The following DNAH7 variants were observed in gnomAD, a reference collection of about 807,000 sequenced individuals.
DNAH7 encodes axonemal beta dynein heavy chain 7.
DNAH7 carries 397 observed loss-of-function variants against 444.6 expected under a neutral mutation model. The ratio of observed to expected loss-of-function variants is 0.89; its 90% confidence interval spans 0.82 to 0.97. The LOEUF (loss-of-function observed/expected upper bound fraction) is 0.97, where lower values mean the gene tolerates loss of function less well. DNAH7 is among the 50% of genes least tolerant of loss of function. The pLI is 0.00. For synonymous variants in DNAH7, 1,636 were observed against 1,624.4 expected, an observed-to-expected ratio of 1.01 and a Z score of -0.17; for missense variants, 4,902 against 4,800.8, an observed-to-expected ratio of 1.02 and a Z score of -0.62.
chr2:195,743,896 A>C (rs538580551), intron 63 of DNAH7, among the ~76,000 whole-genome samples: 1 of 152,384 alleles, frequency 6.6e-6, no homozygotes, highest in African/African-American at 2.4e-5. Context: ...AGATGGCCAA[A>C]TAGGAACAGC....
At chr2:195,947,967 C>T (rs1485447099) in intron 19 of DNAH7, among the ~76,000 whole-genome samples, 1 of 152,132 alleles carries the variant, frequency 6.6e-6, no homozygotes, top group African/African-American at 2.4e-5. Context: ...TGTTTCCTGA[C>T]TTTTTAGTGA....
chr2:195,929,681 T>A (rs985009270), intron 21 of DNAH7, among the ~76,000 whole-genome samples: 1 of 152,224 alleles, frequency 6.6e-6, no homozygotes, highest in African/African-American at 2.4e-5. Flanking sequence ...TGAAGAAGAA[T>A]GAAACTTTAC....
At chr2:195,771,161 T>C (rs898756377) in intron 61 of DNAH7, among the ~76,000 whole-genome samples, 4 of 151,488 alleles carry the variant, frequency 2.6e-5, no homozygotes, top group Non-Finnish European at 2.9e-5. Context: ...TCTAAAAAAA[T>C]AAAAATAAAA....
chr2:195,799,775 T>C (rs1027695981), intron 54 of DNAH7, among the ~76,000 whole-genome samples: 1 of 152,198 alleles, frequency 6.6e-6, no homozygotes, highest in Non-Finnish European at 1.5e-5. Flanking sequence ...ACTCTTAAGT[T>C]ATAAAACACT....
chr2:195,897,779 A>G lies in DNAH7; in HGVS notation c.4549-14T>C. 1 of 1,519,708 alleles carries G rather than the reference A, an allele frequency of 6.6e-7. No homozygotes were observed. Among genetic ancestry groups the G allele is most frequent in the Non-Finnish European group, 9.0e-7 (1 of 1,112,620 alleles). The allele number at this position is 1,519,708 out of a possible 1,614,324, so 94.1% of individuals were successfully genotyped here. A position where few individuals can be genotyped will look rare whatever the true frequency, so the allele number is the denominator to read the frequency against. On this transcript the variant is annotated splice_polypyrimidine_tract_variant and intron_variant, in intron 28 of 64. Coordinates refer to ENST00000312428, the MANE Select transcript of DNAH7 (RefSeq NM_018897.3). ...TGGATATTTCAGCTAAAAAAAAAAA[A>G]AAAAACTCATGAGGATATCTGCATC... is the stretch of plus-strand genomic sequence containing the variant.
chr2:196,019,289 T>C lies in DNAH7; in HGVS notation c.750A>G (p.Glu250=). Reference sequence around the variant, plus strand: ...ATTTCCTCCAAGGTTTTGGCAGAATTTCCATTCTGAAAACAAAGAAAATAT... The same window carrying C: ...ATTTCCTCCAAGGTTTTGGCAGAATCTCCATTCTGAAAACAAAGAAAATAT... The part of the protein sequence containing the change: ...DELPAHRAEM[E]ILPKPWRKSF... The change falls in exon 9 of 65, where the codon GAA becomes GAG. Residue 250 remains glutamate, a synonymous_variant. Transcript: ENST00000312428. 6.8e-7 allele frequency: 1 copy of C among 1,477,462 alleles called. No individual in the cohort carries two copies. Among genetic ancestry groups the C allele is most frequent in the South Asian group, 1.5e-5 (1 of 65,786 alleles). 91.5% of individuals were successfully genotyped at this position (1,477,462 alleles called of 1,614,324 possible).
chr2:195,944,491 A>C (rs1485722725), intron 19 of DNAH7, among the ~76,000 whole-genome samples: 1 of 152,184 alleles, frequency 6.6e-6, no homozygotes, highest in Non-Finnish European at 1.5e-5. Flanking sequence ...ATATATTGCC[A>C]CTTAATTTAT....
At chr2:195,902,169 G>C (rs1258403601) in intron 27 of DNAH7, 2 of 152,120 alleles carry the variant, frequency 1.3e-5, no homozygotes, top group Admixed American at 6.6e-5. Context: ...TAAATGATCT[G>C]TTATGACTCT....
At chr2:195,923,832 G>A (rs146272424) in intron 22 of DNAH7, 25 bp from the exon 23 acceptor site, 1 of 1,598,538 alleles carries the variant, frequency 6.3e-7, no homozygotes, top group African/African-American at 1.3e-5. Context: ...AATAAGATAT[G>A]ATTTCCCAAT....
At chr2:195,852,207 G>A (rs1320477493) in intron 46 of DNAH7, among the ~76,000 whole-genome samples, 4 of 152,010 alleles carry the variant, frequency 2.6e-5, no homozygotes, top group Admixed American at 6.6e-5. Context: ...GCAGAGAGCC[G>A]AGATCGCACC....
At chr2:195,792,394 TACACAC>T (rs59046004) in intron 57 of DNAH7, among the ~76,000 whole-genome samples, 4,776 of 117,298 alleles carry the variant, frequency 0.041, 234 homozygotes, top group African/African-American at 0.13. Context: ...AACCAAAAAA[TACACAC>T]ACACACACAC....
chr2:195,954,775 C>T (rs1195296413), intron 19 of DNAH7, among the ~76,000 whole-genome samples: 2 of 152,170 alleles, frequency 1.3e-5, no homozygotes, highest in African/African-American at 4.8e-5. Flanking sequence ...TCTCTGATGG[C>T]CAGTGATGAT....
At position 195,853,492 on chromosome 2, in the gene DNAH7, G is replaced by A; in HGVS notation, c.8632C>T (p.Gln2878Ter). The change falls in exon 46 of 65, where the codon CAG becomes TAG. Residue 2878 changes from glutamine to a stop codon, truncating the protein, a stop_gained. Coordinates refer to ENST00000312428, the MANE Select transcript of DNAH7 (RefSeq NM_018897.3). LOFTEE classifies it high-confidence loss of function. Reference sequence around the variant, plus strand: ...TCACCTCCAAGGCCTCCAATCAACTGTTCAGCTCGTTCTAGTTTTTTGCTG... The same window carrying A: ...TCACCTCCAAGGCCTCCAATCAACTATTCAGCTCGTTCTAGTTTTTTGCTG... The part of the protein sequence containing the change: ...LCSKKLERAE[Q>*]LIGGLGGEKT... 1 of 1,611,906 alleles carries A rather than the reference G, an allele frequency of 6.2e-7. No individual in the cohort carries two copies. Among genetic ancestry groups the A allele is most frequent in the Non-Finnish European group, 8.5e-7 (1 of 1,178,966 alleles).
intron 19 of DNAH7, among the ~76,000 whole-genome samples, chr2:195,948,351 C>CA (rs1245062685): frequency 4.6e-5 from 7 of 152,262 alleles, no homozygotes; most frequent in East Asian, 1.9e-4. Context: ...GTGTTTTAGT[C>CA]TTGAAGGCTT....
At chr2:195,864,082 A>G in intron 41 of DNAH7, 67 bp downstream of exon 41, 1 of 1,518,512 alleles carries the variant, frequency 6.6e-7, no homozygotes, top group South Asian at 1.3e-5. Context: ...GAATCTATAA[A>G]ATAAGTCATG....
At chr2:195,850,023 C>T (rs1699249710) in intron 46 of DNAH7, among the ~76,000 whole-genome samples, 1 of 152,076 alleles carries the variant, frequency 6.6e-6, no homozygotes, top group Non-Finnish European at 1.5e-5. Context: ...TAGCCTATGA[C>T]ATAGGGAAGA....
At chr2:195,846,492 C>T (rs1379689519) in intron 46 of DNAH7, among the ~76,000 whole-genome samples, 1 of 152,116 alleles carries the variant, frequency 6.6e-6, no homozygotes, top group African/African-American at 2.4e-5. Flanking sequence ...ACTCAGCAAC[C>T]CCATTACTGT....
At chr2:195,942,706 G>A (rs1377537223) in intron 19 of DNAH7, among the ~76,000 whole-genome samples, 3 of 152,042 alleles carry the variant, frequency 2.0e-5, no homozygotes, top group Non-Finnish European at 4.4e-5. Flanking sequence ...GCCAAAAGTT[G>A]AGAAGCAAAA....
chr2:195,758,250 C>A (rs1036696811), intron 61 of DNAH7, among the ~76,000 whole-genome samples: 2 of 152,190 alleles, frequency 1.3e-5, no homozygotes, highest in Non-Finnish European at 2.9e-5. Context: ...ATGCCGCATT[C>A]TTAAACATAA....
Sources: allele counts gnomAD v4.1 joint callset (sites outside exome capture counted in the v4.1 genomes callset), GRCh38; gene constraint gnomAD v4.1.1; transcripts MANE v1.5; gene names NCBI Gene and HGNC (gene_info 2026-07-23, HGNC 2026-07-21).